AMZ1: variants seen among roughly 807,000 people sequenced by gnomAD.
AMZ1 encodes the protein archaemetzincin-1.
In AMZ1, 39 loss-of-function variants were observed where a neutral mutation model predicts 29.9. That is an observed-to-expected ratio of 1.30 (90% CI 1.01 to 1.70). The LOEUF (loss-of-function observed/expected upper bound fraction) is 1.70, where lower values mean the gene tolerates loss of function less well. Ranked by LOEUF, AMZ1 falls within the 40% of genes most tolerant of loss-of-function variation. The probability of loss-of-function intolerance (pLI) is 0.00; values close to 1 mark genes in which losing one functional copy is unlikely to be tolerated. For missense variants in AMZ1, 1,041 were observed against 680.6 expected, an observed-to-expected ratio of 1.53 and a Z score of -5.89; for synonymous variants, 458 against 304.0, an observed-to-expected ratio of 1.51 and a Z score of -5.27.
Position 2,755,843 on chromosome 7 carries a change from A to C in AMZ1, n.551-8869A>C, listed in dbSNP as rs80121155. Among the ~76,000 whole-genome samples, 781 of 152,340 alleles carry C rather than the reference A, an allele frequency of 5.1e-3. 7 individuals carry two copies. Among genetic ancestry groups the C allele is most frequent in the African/African-American group, 0.018 (750 of 41,576 alleles). ...AAATTTGAAACCTAAATAATTGGAGAGTTATGTCATATTCATGAAATGGAA... is the reference window on the plus strand; with the variant it reads ...AAATTTGAAACCTAAATAATTGGAGCGTTATGTCATATTCATGAAATGGAA... On this transcript the variant is annotated intron_variant and non_coding_transcript_variant, in intron 4 of 4. Transcript: ENST00000489665.
intron 1 of AMZ1, among the ~76,000 whole-genome samples, chr7:2,695,197 A>G (rs1787636764): frequency 6.6e-6 from 1 of 152,180 alleles, no homozygotes; most frequent in East Asian, 1.9e-4. Context: ...TCGTCTGTGC[A>G]TCTGATGTTT....
intron 3 of AMZ1, among the ~76,000 whole-genome samples, chr7:2,703,447 G>C (rs1788177814): frequency 6.6e-6 from 1 of 152,104 alleles, no homozygotes. Flanking sequence ...GGCTTGAAAT[G>C]AGCCCTTCTA....
intron 4 of AMZ1, among the ~76,000 whole-genome samples, chr7:2,742,912 T>C (rs1790583464): frequency 6.6e-6 from 1 of 152,242 alleles, no homozygotes; most frequent in Non-Finnish European, 1.5e-5. Context: ...TCTGTATTCA[T>C]TCTAATAATA....
intron 4 of AMZ1, among the ~76,000 whole-genome samples, chr7:2,741,081 C>CA (rs1790477501): frequency 6.6e-6 from 1 of 151,686 alleles, no homozygotes; most frequent in Non-Finnish European, 1.5e-5. Context: ...AATAATCAAA[C>CA]AAAAAACCAC....
chr7:2,694,133 A>G (rs936761530), intron 1 of AMZ1, among the ~76,000 whole-genome samples: 2 of 152,176 alleles, frequency 1.3e-5, no homozygotes, highest in Admixed American at 6.6e-5. Context: ...TCGAGATGAC[A>G]TTAGGATTAG....
intron 1 of AMZ1, among the ~76,000 whole-genome samples, chr7:2,690,808 G>A (rs952653782): frequency 6.6e-6 from 1 of 152,078 alleles, no homozygotes. Flanking sequence ...GTCACACCTG[G>A]AACCAATGTG....
chr7:2,723,836 C>T (rs1372247449), downstream of AMZ1, among the ~76,000 whole-genome samples: 1 of 152,216 alleles, frequency 6.6e-6, no homozygotes, highest in Non-Finnish European at 1.5e-5. Flanking sequence ...TTACATCCTC[C>T]TCACAGAGGG....
intron 1 of AMZ1, among the ~76,000 whole-genome samples, chr7:2,694,896 C>G (rs1787614648): frequency 6.6e-6 from 1 of 152,188 alleles, no homozygotes; most frequent in African/African-American, 2.4e-5. Context: ...TGGTCTCGAA[C>G]TCCTGACCTC....
chr7:2,681,120 C>G lies in AMZ1; in HGVS notation c.-219+1449C>G, dbSNP rs549650175. ...ACGTTTCAGAGTTGAGGATGCAGGG[C>G]TGGAGCGGGGCCATGGCTGAGCTCG... On this transcript the variant is annotated intron_variant, in intron 1 of 6. Coordinates refer to the AMZ1 transcript ENST00000312371. Among the ~76,000 whole-genome samples the G allele has an allele frequency of 2.0e-4, 30 of 152,238 alleles. 1 individual carries two copies. The South Asian group carries it at 3.3e-3, about 17-fold the overall frequency.
chr7:2,746,253 TGA>T (rs1790758048), intron 4 of AMZ1, among the ~76,000 whole-genome samples: 1 of 152,154 alleles, frequency 6.6e-6, no homozygotes, highest in Admixed American at 6.6e-5. Flanking sequence ...ATTCCAAAAT[TGA>T]CCACTTGATA....
At chr7:2,727,562 G>A (rs1005725423) in intron 4 of AMZ1, among the ~76,000 whole-genome samples, 1 of 151,984 alleles carries the variant, frequency 6.6e-6, no homozygotes, top group East Asian at 1.9e-4. Context: ...TAAAGATGGG[G>A]TCTCTTGTGG....
chr7:2,734,308 C>T (rs531778643), intron 4 of AMZ1, among the ~76,000 whole-genome samples: 2 of 152,198 alleles, frequency 1.3e-5, no homozygotes, highest in African/African-American at 2.4e-5. Context: ...TCAAAGGTAG[C>T]GTATTAAAAA....
intron 4 of AMZ1, among the ~76,000 whole-genome samples, chr7:2,735,997 A>C (rs798525): frequency 0.58 from 88,762 of 151,948 alleles, 26,190 homozygotes; most frequent in Non-Finnish European, 0.63. Context: ...CGGTTCACCA[A>C]CAGAGACTGG....
rs1366976338 is a variant in AMZ1, at chr7:2,700,689, T to C, written c.238T>C (p.Phe80Leu). The C allele has an allele frequency of 6.2e-7, 1 of 1,612,918 alleles. No homozygotes were observed. The highest frequency in any genetic ancestry group is 2.2e-5 in the East Asian group (1 of 44,894). The change falls in exon 2 of 7, where the codon TTC (phenylalanine) becomes CTC (leucine). Residue 80 changes from phenylalanine to leucine, a missense_variant. By Grantham distance (22) the Phe-to-Leu change is conservative. Transcript: ENST00000683327. Reference sequence around the variant, plus strand: ...CGAGGCTCCCGAGGACTTCCAGACCTTCCACGCCTCCCTGCAGCACCGGAA... The same window carrying C: ...CGAGGCTCCCGAGGACTTCCAGACCCTCCACGCCTCCCTGCAGCACCGGAA... The part of the protein sequence containing the change: ...RPEAPEDFQT[F>L]HASLQHRKPR...
chr7:2,750,108 C>T (rs898019529), intron 4 of AMZ1, among the ~76,000 whole-genome samples: 1 of 152,182 alleles, frequency 6.6e-6, no homozygotes, highest in Non-Finnish European at 1.5e-5. Flanking sequence ...ATACCACACA[C>T]TTCTGAATAA....
At chr7:2,685,800 C>T (rs1787056137), upstream of AMZ1, among the ~76,000 whole-genome samples, 1 of 149,110 alleles carries the variant, frequency 6.7e-6, no homozygotes, top group Non-Finnish European at 1.5e-5. Flanking sequence ...TTGCAGTGAG[C>T]CGAGATCACG....
rs1789865934 is a variant in AMZ1 at position 2,731,121 on chromosome 7, A to G, written n.550+21305A>G. ...GGACCACACAGACAACACACACCCA[A>G]GAGTCTGACCGACAGCCGTGGGGGC... On this transcript the variant is annotated intron_variant and non_coding_transcript_variant, in intron 4 of 4. Coordinates refer to the AMZ1 transcript ENST00000489665. The surrounding 1 kb of genome is among the most constrained non-coding windows in gnomAD (Gnocchi z 6.0). 2.6e-6 allele frequency: 3 copies of G among 1,149,396 alleles called. No individual in the cohort carries two copies. The highest frequency in any genetic ancestry group is 1.9e-5 in the Admixed American group (1 of 52,818). The allele number at this position is 1,149,396 out of a possible 1,614,324, so 71.2% of individuals were successfully genotyped here.
Position 2,713,934 on chromosome 7 carries a change from C to CT in AMZ1, c.*1057dup, listed in dbSNP as rs1235914286. On this transcript the variant is annotated 3_prime_UTR_variant, in exon 7 of 7. Coordinates refer to ENST00000683327, the MANE Select transcript of AMZ1 (RefSeq NM_001384743.1). ...CTTTCCTTTTTTTTTCGGTCTAGTT[C>CT]TGTCAGTTGCTGAGAGAGGGGTATT... is the stretch of plus-strand genomic sequence containing the variant. 1 of 151,982 alleles carries CT rather than the reference C, an allele frequency of 6.6e-6. No homozygotes were observed. Among genetic ancestry groups the CT allele is most frequent in the Admixed American group, 6.6e-5 (1 of 15,250 alleles). The allele number at this position is 151,982 out of a possible 1,614,324, so 9.4% of individuals were successfully genotyped here.
In AMZ1 at chr7:2,712,925, G is replaced by C. The variant is rs776535852; in HGVS notation, c.*47G>C. The C allele has an allele frequency of 6.7e-7, 1 of 1,496,798 alleles. No homozygotes were observed. Among genetic ancestry groups the C allele is most frequent in the Non-Finnish European group, 8.9e-7 (1 of 1,122,960 alleles). The allele number at this position is 1,496,798 out of a possible 1,614,324, so 92.7% of individuals were successfully genotyped here. A position where few individuals can be genotyped will look rare whatever the true frequency, so the allele number is the denominator to read the frequency against. On this transcript the variant is annotated 3_prime_UTR_variant, in exon 7 of 7. Coordinates refer to ENST00000683327, the MANE Select transcript of AMZ1 (RefSeq NM_001384743.1). ...TCTCCTTCCCTAAGGATGCTGGCCA[G>C]CACTGTCCAGTAGCTGAGGCCACTA...
Sources: gnomAD v4.1 joint callset for allele counts (sites outside exome capture counted in the v4.1 genomes callset) on GRCh38, gnomAD v4.1.1 for gene constraint, Gnocchi (gnomAD v3.1) non-coding constraint, MANE v1.5 for transcripts, NCBI Gene and HGNC (gene_info 2026-07-23, HGNC 2026-07-21) for gene names.